Variants in QKI observed in about 807,000 individuals in gnomAD.
QKI encodes QKI, KH domain containing RNA binding, also known as KH domain-containing RNA-binding protein QKI.
QKI carries 10 observed loss-of-function variants against 39.0 expected under a neutral mutation model. The ratio of observed to expected loss-of-function variants is 0.26; its 90% CI spans 0.16 to 0.43. QKI has a LOEUF of 0.43. Ranked by LOEUF, QKI falls within the 20% of genes least tolerant of loss-of-function variation. QKI has a pLI of 1.00. For missense variants in QKI, 218 were observed against 428.0 expected (o/e 0.51, Z 4.33); for synonymous variants, 204 against 155.4 (o/e 1.31, Z -2.33).
At chr6:163,476,405 T>G (rs1792610166) in intron 2 of QKI, among the ~76,000 whole-genome samples, 1 of 152,020 alleles carries the variant, frequency 6.6e-6, no homozygotes, top group South Asian at 2.1e-4. Context: ...GAACCTTTGG[T>G]GAACATTGTT....
At chr6:163,443,088 C>A (rs1008115459) in intron 1 of QKI, among the ~76,000 whole-genome samples, 4 of 152,168 alleles carry the variant, frequency 2.6e-5, no homozygotes, top group Non-Finnish European at 5.9e-5. Context: ...TAAAGGAGAT[C>A]ATATTGCTTA....
At chr6:163,569,775 CAG>C in intron 7 of QKI, 1 of 990,724 alleles carries the variant, frequency 1.0e-6, no homozygotes, top group African/African-American at 1.7e-5. Flanking sequence ...ATTGTATTTG[CAG>C]AGTATTAGCT....
chr6:163,442,254 A>T (rs1048287206), intron 1 of QKI, among the ~76,000 whole-genome samples: 1 of 152,206 alleles, frequency 6.6e-6, no homozygotes, highest in Admixed American at 6.5e-5. Context: ...TAAAATGTGC[A>T]TTTTTGGTTA....
rs1783797699 is a variant in QKI at position 163,573,107 on chromosome 6, G to C, written c.*2397G>C. 6.6e-6 allele frequency: 1 copy of C among 152,108 alleles called. No individual in the cohort carries two copies. The highest frequency in any genetic ancestry group is 1.5e-5 in the Non-Finnish European group (1 of 68,016). The allele number at this position is 152,108 out of a possible 1,614,324, so 9.4% of individuals were successfully genotyped here. A position where few individuals can be genotyped will look rare whatever the true frequency, so the allele number is the denominator to read the frequency against. ...TTTATGGGGAAGAAAGTAAATGTAT[G>C]AAATAATAAATGTGTGACATTTATA... On this transcript the variant is annotated 3_prime_UTR_variant, in exon 8 of 8. Coordinates refer to ENST00000361752, the MANE Select transcript of QKI (RefSeq NM_006775.3).
At position 163,574,554 on chromosome 6, in the gene QKI, CAAG is replaced by C. The variant is rs1309066588; in HGVS notation, c.*3848_*3850del. 1 of 152,144 alleles carries C rather than the reference CAAG, an allele frequency of 6.6e-6. No homozygotes were observed. Among genetic ancestry groups the C allele is most frequent in the Non-Finnish European group, 1.5e-5 (1 of 68,024 alleles). 9.4% of individuals were successfully genotyped at this position (152,144 alleles called of 1,614,324 possible). ...AATACAGTCAGACTAAAACATTAAA[CAAG>C]AAGTTTAAGGGGGAATAACATTGGG... On this transcript the variant is annotated 3_prime_UTR_variant, in exon 8 of 8. Transcript: ENST00000361752.
chr6:163,462,656 T>C (rs1791440889), intron 2 of QKI, among the ~76,000 whole-genome samples: 1 of 152,164 alleles, frequency 6.6e-6, no homozygotes, highest in African/African-American at 2.4e-5. Flanking sequence ...AAAAAGGATA[T>C]CTGAATATAA....
chr6:163,443,702 G>A (rs1382511084), intron 1 of QKI, among the ~76,000 whole-genome samples: 3 of 152,182 alleles, frequency 2.0e-5, no homozygotes, highest in African/African-American at 7.2e-5. Flanking sequence ...TATTTGCTTT[G>A]TTTATGGTAT....
chr6:163,570,770 C>T lies in QKI; in HGVS notation c.*60C>T. On this transcript the variant is annotated 3_prime_UTR_variant, in exon 8 of 8. Transcript: ENST00000361752. ...ATGATGACCTGACCATGCCTGCCTG[C>T]TGATCAGTTAACTGGTAATCGCCTT... 6.3e-7 allele frequency: 1 copy of T among 1,599,784 alleles called. No homozygotes were observed. The highest frequency in any genetic ancestry group is 8.5e-7 in the Non-Finnish European group (1 of 1,171,922).
intron 1 of QKI, among the ~76,000 whole-genome samples, chr6:163,451,320 C>G (rs1045705366): frequency 1.3e-5 from 2 of 152,120 alleles, no homozygotes; most frequent in African/African-American, 4.8e-5. Flanking sequence ...CTTCAGTTGG[C>G]TTATCCATTG....
chr6:163,528,563 A>G (rs747544083), intron 3 of QKI, among the ~76,000 whole-genome samples: 6 of 152,150 alleles, frequency 3.9e-5, no homozygotes, highest in Non-Finnish European at 7.4e-5. Context: ...TGATGTATTT[A>G]TATTGCTTAG....
intron 4 of QKI, among the ~76,000 whole-genome samples, chr6:163,544,044 AAAAT>A (rs1197143201): frequency 1.3e-5 from 2 of 152,066 alleles, no homozygotes; most frequent in Non-Finnish European, 2.9e-5. Context: ...GCCCTTTTGG[AAAAT>A]AAATAAGATA....
rs542840979 is a variant in QKI at position 163,560,841 on chromosome 6, C to A, written c.547-1141C>A. Among the ~76,000 whole-genome samples the A allele has an allele frequency of 5.9e-5, 9 of 152,302 alleles. No homozygotes were observed. The East Asian group carries it at 1.7e-3, about 29-fold the overall frequency. ...ATTGGAGAACAGACACCATTAGCAA[C>A]ATGTTTTAGTAGTTTGGGTGCTATG... On this transcript the variant is annotated intron_variant, in intron 4 of 7. Coordinates refer to ENST00000361752, the MANE Select transcript of QKI (RefSeq NM_006775.3).
At chr6:163,511,806 G>GA (rs199643377) in intron 3 of QKI, among the ~76,000 whole-genome samples, 7 of 148,634 alleles carry the variant, frequency 4.7e-5, no homozygotes, top group Admixed American at 1.3e-4. Flanking sequence ...CTTCCATTAA[G>GA]AAAAAAAAAT....
intron 3 of QKI, among the ~76,000 whole-genome samples, chr6:163,514,743 CA>C (rs1779685539): frequency 6.6e-6 from 1 of 152,028 alleles, no homozygotes; most frequent in African/African-American, 2.4e-5. Flanking sequence ...TTTGCATATG[CA>C]AAAATAAATC....
At chr6:163,446,693 T>C (rs1389134843) in intron 1 of QKI, among the ~76,000 whole-genome samples, 1 of 152,212 alleles carries the variant, frequency 6.6e-6, no homozygotes, top group African/African-American at 2.4e-5. Flanking sequence ...GGTTTAAAAG[T>C]AAACTCTTTT....
chr6:163,447,482 C>T (rs1283306799), intron 1 of QKI, among the ~76,000 whole-genome samples: 1 of 152,088 alleles, frequency 6.6e-6, no homozygotes, highest in Non-Finnish European at 1.5e-5. Context: ...TACCTATTAA[C>T]ATACTTCTCT....
intron 3 of QKI, among the ~76,000 whole-genome samples, chr6:163,487,451 A>G (rs1583077018): frequency 6.6e-6 from 1 of 152,202 alleles, no homozygotes. Context: ...AATATCTAGA[A>G]AATTATTTAT....
At chr6:163,534,123 C>G (rs550260095) in intron 3 of QKI, among the ~76,000 whole-genome samples, 24 of 152,246 alleles carry the variant, frequency 1.6e-4, no homozygotes, top group Non-Finnish European at 3.1e-4. Context: ...AACACTTTCT[C>G]TAAAACTTAA....
intron 1 of QKI, among the ~76,000 whole-genome samples, chr6:163,435,969 T>C (rs1333665146): frequency 6.6e-6 from 1 of 152,202 alleles, no homozygotes; most frequent in African/African-American, 2.4e-5. Flanking sequence ...GTTTGTAATT[T>C]CTTAGGAATA....
Sources: gnomAD v4.1 joint callset for allele counts (sites outside exome capture counted in the v4.1 genomes callset) on GRCh38, gnomAD v4.1.1 for gene constraint, MANE v1.5 for transcripts, NCBI Gene and HGNC (gene_info 2026-07-23, HGNC 2026-07-21) for gene names.